The following NFIB variants were observed in gnomAD, a reference collection of about 807,000 sequenced individuals.
NFIB encodes nuclear factor 1 B-type.
Under a neutral mutation model 61.5 loss-of-function variants are expected in NFIB, and 11 were observed. The observed-to-expected ratio is 0.18, with a 90% CI of 0.11 to 0.30. The LOEUF is 0.30. Ranked by LOEUF, NFIB falls within the 10% of genes least tolerant of loss-of-function variation. NFIB has a pLI of 1.00. For missense variants in NFIB, 471 were observed against 608.9 expected, an observed-to-expected ratio of 0.77 and a Z score of 2.38; for synonymous variants, 260 against 216.5, an observed-to-expected ratio of 1.20 and a Z score of -1.76.
chr9:14,382,556 A>G (rs916902755), intron 1 of NFIB, among the ~76,000 whole-genome samples: 2 of 152,224 alleles, frequency 1.3e-5, no homozygotes, highest in Admixed American at 6.5e-5. Flanking sequence ...AATTGTTTGG[A>G]ACTACCATTT....
At chr9:14,198,327 C>G (rs923512858) in intron 2 of NFIB, among the ~76,000 whole-genome samples, 1 of 152,116 alleles carries the variant, frequency 6.6e-6, no homozygotes, top group Non-Finnish European at 1.5e-5. Flanking sequence ...TTAAAAAAGC[C>G]TTATAAATCA....
At chr9:14,367,903 T>C (rs923091421) in intron 1 of NFIB, among the ~76,000 whole-genome samples, 3 of 152,092 alleles carry the variant, frequency 2.0e-5, no homozygotes, top group South Asian at 2.1e-4. Flanking sequence ...AAGGGAGGGA[T>C]AGCATTAGGA....
intron 10 of NFIB, among the ~76,000 whole-genome samples, chr9:14,098,119 G>A (rs2035163985): frequency 6.6e-6 from 1 of 152,048 alleles, no homozygotes; most frequent in South Asian, 2.1e-4. Context: ...ATTCAATTAT[G>A]GCATCCGCAG....
chr9:14,465,733 G>C, the NFIB span, among the ~76,000 whole-genome samples: 1 of 152,074 alleles, frequency 6.6e-6, no homozygotes. Flanking sequence ...ACATGTTGGG[G>C]AGACATGTCC....
chr9:14,417,830 G>C, the NFIB span, among the ~76,000 whole-genome samples: 3 of 144,234 alleles, frequency 2.1e-5, no homozygotes, highest in Admixed American at 7.3e-5. Flanking sequence ...GCCCAGGCTG[G>C]AATGCAATGG....
Position 14,088,092 on chromosome 9 carries a change from T to C in NFIB, c.*217A>G. 12 of 1,067,432 alleles carry C rather than the reference T, an allele frequency of 1.1e-5. No individual in the cohort carries two copies. The highest frequency in any genetic ancestry group is 1.5e-5 in the Non-Finnish European group (12 of 805,788). The allele number at this position is 1,067,432 out of a possible 1,614,324, so 66.1% of individuals were successfully genotyped here. A position where few individuals can be genotyped will look rare whatever the true frequency, so the allele number is the denominator to read the frequency against. ...CTGGTCTATTATCTTCTTTCTTCAG[T>C]TTCTTTCCTTTCTGCCTTTGTGTTG... On this transcript the variant is annotated 3_prime_UTR_variant, in exon 11 of 11. Coordinates refer to ENST00000380953, the MANE Select transcript of NFIB (RefSeq NM_001190737.2).
intron 6 of NFIB, among the ~76,000 whole-genome samples, chr9:14,139,799 T>C (rs1274680181): frequency 2.0e-5 from 3 of 152,156 alleles, no homozygotes. Context: ...CAATTTATTG[T>C]TTTCCTTTCC....
chr9:14,472,075 A>T, the NFIB span, among the ~76,000 whole-genome samples: 4 of 152,236 alleles, frequency 2.6e-5, no homozygotes, highest in African/African-American at 9.6e-5. Flanking sequence ...AGGAAAGATG[A>T]GAGATCGCGC....
At chr9:14,454,060 T>A in the NFIB span, among the ~76,000 whole-genome samples, 1 of 151,540 alleles carries the variant, frequency 6.6e-6, no homozygotes, top group South Asian at 2.1e-4. Flanking sequence ...AGAGCAAGAC[T>A]CCGTTTCAAA....
chr9:14,462,444 G>A, the NFIB span, among the ~76,000 whole-genome samples: 8 of 151,808 alleles, frequency 5.3e-5, no homozygotes, highest in Non-Finnish European at 1.0e-4. Context: ...CACCACGCCC[G>A]GCTAATTTTT....
intron 2 of NFIB, among the ~76,000 whole-genome samples, chr9:14,239,744 C>T (rs1271443128): frequency 6.6e-6 from 1 of 152,102 alleles, no homozygotes; most frequent in Non-Finnish European, 1.5e-5. Flanking sequence ...AAATTTCTAT[C>T]TACAAAAAGT....
At chr9:14,424,306 A>G in the NFIB span, among the ~76,000 whole-genome samples, 1 of 152,222 alleles carries the variant, frequency 6.6e-6, no homozygotes, top group African/African-American at 2.4e-5. Flanking sequence ...AGCCTTTTCC[A>G]TTGCTGTATT....
chr9:14,449,571 G>A, the NFIB span, among the ~76,000 whole-genome samples: 1 of 152,162 alleles, frequency 6.6e-6, no homozygotes, highest in Admixed American at 6.6e-5. Flanking sequence ...TTGTTGAAAT[G>A]CATCATTTTT....
the NFIB span, among the ~76,000 whole-genome samples, chr9:14,415,041 G>T: frequency 2.6e-5 from 4 of 152,138 alleles, no homozygotes; most frequent in African/African-American, 9.7e-5. Context: ...ACTTCAGCTG[G>T]GTCTTTAGCT....
the NFIB span, among the ~76,000 whole-genome samples, chr9:14,408,839 C>T: frequency 9.1e-3 from 1,390 of 152,228 alleles, 17 homozygotes; most frequent in African/African-American, 0.032. Context: ...TCATAAATAT[C>T]ATTTTTTTAA....
intron 5 of NFIB, among the ~76,000 whole-genome samples, chr9:14,149,919 G>C (rs1345222909): frequency 6.6e-6 from 1 of 151,998 alleles, no homozygotes; most frequent in East Asian, 1.9e-4. Flanking sequence ...TATTTTCCTA[G>C]TTACCTGTCC....
At chr9:14,478,014 A>G in the NFIB span, among the ~76,000 whole-genome samples, 43 of 152,238 alleles carry the variant, frequency 2.8e-4, no homozygotes, top group African/African-American at 9.9e-4. Flanking sequence ...AGATTTCTAC[A>G]TATTTTCAAA....
chr9:14,112,868 A>C, intron 10 of NFIB, 131 bp downstream of exon 10: 1 of 717,446 alleles, frequency 1.4e-6, no homozygotes, highest in South Asian at 2.0e-5. Flanking sequence ...AAATTCTGGG[A>C]AATGAAATGA....
At chr9:14,106,698 T>G (rs2036607504) in intron 10 of NFIB, among the ~76,000 whole-genome samples, 1 of 152,158 alleles carries the variant, frequency 6.6e-6, no homozygotes, top group African/African-American at 2.4e-5. Context: ...AAGTAGCAGA[T>G]AGCCATAAAG....
Sources: allele counts gnomAD v4.1 joint callset (sites outside exome capture counted in the v4.1 genomes callset), GRCh38; gene constraint gnomAD v4.1.1; transcripts MANE v1.5; gene names NCBI Gene and HGNC (gene_info 2026-07-23, HGNC 2026-07-21).